The following GPNMB variants were observed in gnomAD, a reference collection of about 807,000 sequenced individuals.
GPNMB encodes the protein glycoprotein nmb, also known as transmembrane glycoprotein NMB.
GPNMB carries 71 observed loss-of-function variants against 57.3 expected under a neutral mutation model. The observed-to-expected ratio is 1.24, with a 90% CI of 1.02 to 1.51. GPNMB has a LOEUF of 1.51. GPNMB is among the 40% of genes most tolerant of loss of function. GPNMB has a pLI of 0.00. For synonymous variants in GPNMB, 253 were observed against 263.2 expected (o/e 0.96, Z 0.38); for missense variants, 677 against 691.9 (o/e 0.98, Z 0.24).
At chr7:23,264,784 A>G (rs1302762220) in intron 6 of GPNMB, among the ~76,000 whole-genome samples, 4 of 152,248 alleles carry the variant, frequency 2.6e-5, no homozygotes, top group African/African-American at 9.6e-5. Flanking sequence ...ACTAAAGTAT[A>G]TGCAGAACAA....
chr7:23,270,880 C>T (rs1158765381), intron 9 of GPNMB, among the ~76,000 whole-genome samples: 2 of 152,172 alleles, frequency 1.3e-5, no homozygotes, highest in African/African-American at 2.4e-5. Flanking sequence ...CCCTAATGGC[C>T]CTAGCTGACT....
intron 1 of GPNMB, among the ~76,000 whole-genome samples, 155 bp from the exon 2 acceptor site, chr7:23,253,152 G>C (rs1782696376): frequency 6.6e-6 from 1 of 152,154 alleles, no homozygotes. Context: ...GTATTTCCAG[G>C]AGACTTCCTT....
At position 23,272,846 on chromosome 7, in the gene GPNMB, C is replaced by CTTTTTTTTTTTTTTTTTTTTTTTTTTTT. The variant is rs34346503; in HGVS notation, c.1430-660_1430-659insTTTTTTTTTTTTTTTTTTTTTTTTTTTT. 8.6e-5 allele frequency among the ~76,000 whole-genome samples: 12 copies of CTTTTTTTTTTTTTTTTTTTTTTTTTTTT among 139,646 alleles called. 1 individual carries two copies. Among genetic ancestry groups the CTTTTTTTTTTTTTTTTTTTTTTTTTTTT allele is most frequent in the African/African-American group, 2.7e-4 (10 of 36,552 alleles). 91.6% of individuals were successfully genotyped at this position (139,646 alleles called of 152,430 possible). ...CATGGAAAACTTTAAAGGTGGTGAT[C>CTTTTTTTTTTTTTTTTTTTTTTTTTTTT]TTTTTTTTTTTTTTTGAGGCAAGGT... On this transcript the variant is annotated intron_variant, in intron 9 of 10. Coordinates refer to ENST00000258733, the MANE Select transcript of GPNMB (RefSeq NM_002510.3).
At chr7:23,248,731 C>T (rs1782593513) in intron 1 of GPNMB, among the ~76,000 whole-genome samples, 2 of 152,026 alleles carry the variant, frequency 1.3e-5, no homozygotes, top group South Asian at 4.1e-4. Context: ...CCAAAACCCA[C>T]CCCCACAGGC....
rs780456219 is a variant in GPNMB at position 23,260,141 on chromosome 7, G to A, written c.700+3G>A. On this transcript the variant is annotated splice_donor_region_variant and intron_variant, in intron 5 of 10. Transcript: ENST00000258733. ...GAAAGATGTGTACGTGGTAACAGGT[G>A]AGTGGTGTGAACTCTAACTGAGGAT... 5 of 1,613,776 alleles carry A rather than the reference G, an allele frequency of 3.1e-6. No individual in the cohort carries two copies. Among genetic ancestry groups the A allele is most frequent in the Admixed American group, 3.3e-5 (2 of 60,014 alleles).
chr7:23,274,267 T>C lies in GPNMB; in HGVS notation c.*43T>C, dbSNP rs527756541. ...GAAGCTCACTTTTCAGTGCCATTGA[T>C]GTGAGATGTGCTGGAGTGGCTATTA... is the stretch of plus-strand genomic sequence containing the variant. On this transcript the variant is annotated 3_prime_UTR_variant, in exon 11 of 11. Coordinates refer to ENST00000258733, the MANE Select transcript of GPNMB (RefSeq NM_002510.3). 1.7e-5 allele frequency: 24 copies of C among 1,444,700 alleles called. No individual in the cohort carries two copies. The African/African-American group carries it at 3.2e-4, about 19-fold the overall frequency. The allele number at this position is 1,444,700 out of a possible 1,614,324, so 89.5% of individuals were successfully genotyped here.
At chr7:23,254,377 G>A (rs937140670) in intron 3 of GPNMB, 65 bp downstream of exon 3, 2 of 1,323,496 alleles carry the variant, frequency 1.5e-6, no homozygotes, top group East Asian at 4.7e-5. Context: ...GATCACAGGT[G>A]CTTCTGTAAG....
intron 2 of GPNMB, 28 bp downstream of exon 2, chr7:23,253,487 C>G (rs757911496): frequency 6.3e-7 from 1 of 1,588,828 alleles, no homozygotes; most frequent in Non-Finnish European, 8.6e-7. Flanking sequence ...AACCAAACAC[C>G]TGCAATTTCC....
At position 23,254,292 on chromosome 7, in the gene GPNMB, A is replaced by T; in HGVS notation, c.347A>T (p.Tyr116Phe). The change falls in exon 3 of 11, where the codon TAT becomes TTT. Residue 116 changes from tyrosine to phenylalanine, a missense_variant. Tyr to Phe is a conservative substitution (Grantham distance 22, BLOSUM62 3). Coordinates refer to ENST00000258733, the MANE Select transcript of GPNMB (RefSeq NM_002510.3). ...GAAGATGCCAATGGCAACATAGTCT[A>T]TGAGAAGAACTGCAGAAATGGTAAG... ...QKEDANGNIVYEKNCRNEAGL... is the reference protein window; with the variant it reads ...QKEDANGNIVFEKNCRNEAGL... The T allele has an allele frequency of 1.2e-6, 2 of 1,613,528 alleles. No individual in the cohort carries two copies. Among genetic ancestry groups the T allele is most frequent in the Non-Finnish European group, 1.7e-6 (2 of 1,179,478 alleles).
At chr7:23,256,435 G>A (rs185125008) in intron 3 of GPNMB, among the ~76,000 whole-genome samples, 1 of 152,110 alleles carries the variant, frequency 6.6e-6, no homozygotes, top group Non-Finnish European at 1.5e-5. Context: ...CCTTGATTGG[G>A]GTGATAATGG....
intron 6 of GPNMB, among the ~76,000 whole-genome samples, chr7:23,265,336 CTG>C (rs1783031824): frequency 1.3e-5 from 2 of 152,196 alleles, no homozygotes; most frequent in East Asian, 3.8e-4. Context: ...TTCCCCAAGA[CTG>C]AGTCTACTTC....
chr7:23,266,435 A>G, intron 6 of GPNMB, 82 bp from the exon 7 acceptor site: 2 of 1,447,834 alleles, frequency 1.4e-6, no homozygotes, highest in Non-Finnish European at 1.9e-6. Flanking sequence ...CAAATGGCAA[A>G]TGTTTAGATT....
intron 3 of GPNMB, among the ~76,000 whole-genome samples, chr7:23,255,179 C>T (rs111939023): frequency 0.033 from 5,085 of 152,164 alleles, 242 homozygotes; most frequent in East Asian, 0.12. Flanking sequence ...CCACCATGCT[C>T]AGCTAATTTT....
At chr7:23,247,280 C>G (rs1016887409) in intron 1 of GPNMB, 1 of 298,210 alleles carries the variant, frequency 3.4e-6, no homozygotes, top group Non-Finnish European at 6.5e-6. Context: ...CTATGTCCAG[C>G]TTCCATCCAA....
chr7:23,258,783 C>T (rs1782840993), intron 4 of GPNMB, among the ~76,000 whole-genome samples: 1 of 152,204 alleles, frequency 6.6e-6, no homozygotes, highest in South Asian at 2.1e-4. Flanking sequence ...ATGGAACTAC[C>T]CCTGCATCTC....
chr7:23,262,133 TA>T (rs1782941037), intron 6 of GPNMB, among the ~76,000 whole-genome samples: 1 of 152,206 alleles, frequency 6.6e-6, no homozygotes, highest in Admixed American at 6.5e-5. Context: ...AGTTTTACAA[TA>T]AGATGTTAGT....
At chr7:23,272,188 A>C (rs950179234) in intron 9 of GPNMB, among the ~76,000 whole-genome samples, 6 of 152,238 alleles carry the variant, frequency 3.9e-5, no homozygotes, top group African/African-American at 1.4e-4. Context: ...TTAGAGTCTT[A>C]ATTCATTCTA....
chr7:23,271,795 C>T (rs1185135512), intron 9 of GPNMB, among the ~76,000 whole-genome samples: 1 of 151,422 alleles, frequency 6.6e-6, no homozygotes, highest in East Asian at 1.9e-4. Flanking sequence ...GACTCCATCT[C>T]AAACAAACAA....
At position 23,274,743 on chromosome 7, in the gene GPNMB, T is replaced by A. The variant is rs1301740501; in HGVS notation, c.*519T>A. 6.6e-6 allele frequency: 1 copy of A among 152,278 alleles called. No individual in the cohort carries two copies. Among genetic ancestry groups the A allele is most frequent in the Admixed American group, 6.5e-5 (1 of 15,288 alleles). 9.4% of individuals were successfully genotyped at this position (152,278 alleles called of 1,614,324 possible). ...CCTGTGGTATGATGTGCACACTTGCTAGACTCAGAAAAAATACTACTCTCA... is the reference window on the plus strand; with the variant it reads ...CCTGTGGTATGATGTGCACACTTGCAAGACTCAGAAAAAATACTACTCTCA... On this transcript the variant is annotated 3_prime_UTR_variant, in exon 11 of 11. Coordinates refer to ENST00000258733, the MANE Select transcript of GPNMB (RefSeq NM_002510.3).
Sources: allele counts gnomAD v4.1 joint callset (sites outside exome capture counted in the v4.1 genomes callset), GRCh38; gene constraint gnomAD v4.1.1; transcripts MANE v1.5; gene names NCBI Gene and HGNC (gene_info 2026-07-23, HGNC 2026-07-21).